The following FBXL20 variants were observed in gnomAD, a reference collection of about 807,000 sequenced individuals.
The protein encoded by FBXL20 is F-box and leucine rich repeat protein 20, also known as F-box/LRR-repeat protein 20.
A neutral mutation model predicts 64.0 loss-of-function variants in FBXL20; 11 were observed. That is an observed-to-expected ratio of 0.17 (90% CI 0.11 to 0.28). The LOEUF (loss-of-function observed/expected upper bound fraction) is 0.28, where lower values mean the gene tolerates loss of function less well. Ranked by LOEUF, FBXL20 falls within the 10% of genes least tolerant of loss-of-function variation. The pLI is 1.00. For synonymous variants in FBXL20, 184 were observed against 189.0 expected, an observed-to-expected ratio of 0.97 and a Z score of 0.22; for missense variants, 303 against 526.2, an observed-to-expected ratio of 0.58 and a Z score of 4.15.
At position 39,388,993 on chromosome 17, in the gene FBXL20, A is replaced by G. The variant is rs566181688; in HGVS notation, c.42+12368T>C. On this transcript the variant is annotated intron_variant, in intron 1 of 14. Transcript: ENST00000264658. ...GTGGCAGGCGCCTATAATCCCAGCT[A>G]CTAGGGAGGCTGAGGCAGGAGAATC... Among the ~76,000 whole-genome samples, 31 of 149,442 alleles carry G rather than the reference A, an allele frequency of 2.1e-4. No homozygotes were observed. In the South Asian group the frequency reaches 2.5e-3, roughly 12 times the overall value.
At chr17:39,319,192 C>G (rs1597795236) in intron 2 of FBXL20, among the ~76,000 whole-genome samples, 1 of 150,286 alleles carries the variant, frequency 6.7e-6, no homozygotes, top group African/African-American at 2.5e-5. Flanking sequence ...GAGGTTGCAG[C>G]GAGTTGAGAT....
intron 10 of FBXL20, among the ~76,000 whole-genome samples, chr17:39,272,718 AAAAGAAAG>A (rs1555602652): frequency 1.1e-4 from 9 of 79,890 alleles, no homozygotes; most frequent in African/African-American, 2.2e-4. Flanking sequence ...AAAAAAAAAA[AAAAGAAAG>A]AAAGAAAGAA....
At chr17:39,288,122 C>A (rs993862209) in intron 6 of FBXL20, among the ~76,000 whole-genome samples, 2 of 151,928 alleles carry the variant, frequency 1.3e-5, no homozygotes, top group Non-Finnish European at 2.9e-5. Context: ...CACCAACACA[C>A]CCAGCTAATT....
chr17:39,317,643 T>C (rs888592987), intron 2 of FBXL20, among the ~76,000 whole-genome samples: 1 of 150,652 alleles, frequency 6.6e-6, no homozygotes, highest in African/African-American at 2.4e-5. Context: ...CCCAGATACA[T>C]GTAGGAATTT....
chr17:39,269,128 A>T (rs771468608), intron 11 of FBXL20, among the ~76,000 whole-genome samples: 2 of 152,042 alleles, frequency 1.3e-5, no homozygotes, highest in Non-Finnish European at 2.9e-5. Flanking sequence ...CTCCCACCTC[A>T]GCCTCCCAAT....
upstream of FBXL20, chr17:39,402,350 G>T: frequency 3.4e-6 from 2 of 583,082 alleles, no homozygotes; most frequent in Non-Finnish European, 5.1e-6. Context: ...CTGCAGGGAG[G>T]CCTGGGGGGC....
At chr17:39,332,714 T>C (rs752814501) in intron 2 of FBXL20, among the ~76,000 whole-genome samples, 1 of 151,784 alleles carries the variant, frequency 6.6e-6, no homozygotes, top group Admixed American at 6.6e-5. Flanking sequence ...GCTAATGTTT[T>C]GTATTTTTAG....
At chr17:39,272,718 A>AAAAG (rs1555602652) in intron 10 of FBXL20, among the ~76,000 whole-genome samples, 74 of 79,854 alleles carry the variant, frequency 9.3e-4, no homozygotes, top group Middle Eastern at 7.4e-3. Flanking sequence ...AAAAAAAAAA[A>AAAAG]AAAGAAAGAA....
At chr17:39,276,257 AAGGG>A (rs1289493439) in intron 9 of FBXL20, among the ~76,000 whole-genome samples, 1 of 147,254 alleles carries the variant, frequency 6.8e-6, no homozygotes, top group African/African-American at 2.5e-5. Flanking sequence ...ACGGGAAGGG[AAGGG>A]AGGAAGAGAG....
At chr17:39,292,473 A>C (rs781719784) in intron 6 of FBXL20, among the ~76,000 whole-genome samples, 11 of 139,960 alleles carry the variant, frequency 7.9e-5, no homozygotes, top group Non-Finnish European at 1.5e-4. Context: ...AGTGCACTGC[A>C]GTCTCTAACT....
intron 1 of FBXL20, among the ~76,000 whole-genome samples, chr17:39,367,083 G>A (rs1050271393): frequency 6.6e-6 from 1 of 150,794 alleles, no homozygotes; most frequent in Non-Finnish European, 1.5e-5. Flanking sequence ...CGGGGTTTCG[G>A]CGTGTTAGCC....
intron 1 of FBXL20, among the ~76,000 whole-genome samples, chr17:39,359,235 C>G (rs1344110419): frequency 6.6e-6 from 1 of 152,098 alleles, no homozygotes; most frequent in Non-Finnish European, 1.5e-5. Context: ...ACTTGGGAAA[C>G]TGAGGCAGGA....
chr17:39,382,700 G>A (rs1337127855), intron 1 of FBXL20, among the ~76,000 whole-genome samples: 1 of 151,988 alleles, frequency 6.6e-6, no homozygotes, highest in Non-Finnish European at 1.5e-5. Context: ...ACTTGCCCAG[G>A]TGTGGTGGCA....
chr17:39,385,004 T>C (rs1034160344), intron 1 of FBXL20, among the ~76,000 whole-genome samples: 11 of 152,100 alleles, frequency 7.2e-5, no homozygotes, highest in Non-Finnish European at 1.5e-4. Context: ...AAAGGATACA[T>C]AATACACAAT....
chr17:39,275,630 G>A (rs1040251564), intron 9 of FBXL20, among the ~76,000 whole-genome samples: 11 of 151,268 alleles, frequency 7.3e-5, no homozygotes, highest in Non-Finnish European at 1.3e-4. Flanking sequence ...GGCTGGTCTC[G>A]AATTCCTGGC....
At chr17:39,332,111 T>G (rs2047466956) in intron 2 of FBXL20, among the ~76,000 whole-genome samples, 1 of 152,204 alleles carries the variant, frequency 6.6e-6, no homozygotes, top group African/African-American at 2.4e-5. Flanking sequence ...CTATTAATGC[T>G]TTTCAAAGGA....
chr17:39,401,687 A>G (rs2048247032), upstream of FBXL20: 36 of 1,170,896 alleles, frequency 3.1e-5, no homozygotes, highest in Admixed American at 3.5e-4. Flanking sequence ...GCCGCTGCTC[A>G]TTGGACAGAG....
chr17:39,369,612 A>G (rs1253326517), intron 1 of FBXL20, among the ~76,000 whole-genome samples: 1 of 151,952 alleles, frequency 6.6e-6, no homozygotes, highest in African/African-American at 2.4e-5. Flanking sequence ...TGGCCTCCCA[A>G]AGTGCTGGGA....
At chr17:39,307,246 T>C (rs1487009897) in intron 2 of FBXL20, among the ~76,000 whole-genome samples, 1 of 152,028 alleles carries the variant, frequency 6.6e-6, no homozygotes. Flanking sequence ...TGGAGGTAGA[T>C]AAAAAATAAG....
Sources: allele counts gnomAD v4.1 joint callset (sites outside exome capture counted in the v4.1 genomes callset), GRCh38; gene constraint gnomAD v4.1.1; transcripts MANE v1.5; gene names NCBI Gene and HGNC (gene_info 2026-07-23, HGNC 2026-07-21).